The following SYNE2 variants were observed in gnomAD, a reference collection of about 807,000 sequenced individuals.
The protein encoded by SYNE2 is nesprin-2.
In SYNE2, 431 loss-of-function variants were observed where a neutral mutation model predicts 856.3. The observed-to-expected ratio is 0.50, with a 90% CI of 0.47 to 0.55. The LOEUF is 0.55. SYNE2 is among the 20% of genes least tolerant of loss of function. The pLI, the probability that SYNE2 is intolerant of heterozygous loss-of-function variation, is 0.00. For missense variants in SYNE2, 8,129 were observed against 8,023.2 expected (o/e 1.01, Z -0.50); for synonymous variants, 2,923 against 2,872.3 (o/e 1.02, Z -0.56).
chr14:63,784,498 AAAACAAAC>A (rs137985555), intron 1 of SYNE2, among the ~76,000 whole-genome samples: 79,156 of 149,608 alleles, frequency 0.53, 21,791 homozygotes, highest in South Asian at 0.65. Context: ...CTCCATCTCA[AAAACAAAC>A]AAACAAACAA....
intron 23 of SYNE2, among the ~76,000 whole-genome samples, chr14:63,995,731 A>ATCTATCTATCTG (rs2096708529): frequency 5.7e-4 from 1 of 1,758 alleles, no homozygotes; most frequent in African/African-American, 1.2e-3. Context: ...ATATCTATCC[A>ATCTATCTATCTG]TCTATCTATC....
rs752492583 is a variant in SYNE2, at chr14:64,049,632, G to A, written c.7399G>A (p.Ala2467Thr). The A allele has an allele frequency of 6.2e-6, 10 of 1,614,046 alleles. No individual in the cohort carries two copies. In the Admixed American group the frequency reaches 1.7e-4, roughly 27 times the overall value. The change falls in exon 47 of 116, where the codon GCA becomes ACA. Residue 2467 changes from alanine (A) to threonine (T), a missense_variant. By Grantham distance (58) the Ala-to-Thr change is moderately conservative. Coordinates refer to ENST00000555002, the MANE Select transcript of SYNE2 (RefSeq NM_182914.3). The stretch of plus-strand genomic sequence containing the variant: ...TTAGAAATTATATACCCAGTTGGAA[G>A]CAAAGAAAGCAGCCATTAAGCCACT... ...EIEKLYTQLE[A>T]KKAAIKPLEQ... is the part of the protein sequence containing the mutation.
At chr14:64,074,219 G>A (rs1256419911) in intron 53 of SYNE2, 83 bp downstream of exon 53, 4 of 1,435,760 alleles carry the variant, frequency 2.8e-6, no homozygotes, top group Non-Finnish European at 3.9e-6. Context: ...AGATAACTCA[G>A]TGGCTGGGTT....
At chr14:64,033,805 C>T (rs1477116806) in intron 45 of SYNE2, among the ~76,000 whole-genome samples, 2 of 152,134 alleles carry the variant, frequency 1.3e-5, no homozygotes, top group African/African-American at 2.4e-5. Flanking sequence ...TATGATACTT[C>T]ATTTAAATGT....
At chr14:63,874,415 C>G (rs1238596205) in intron 1 of SYNE2, among the ~76,000 whole-genome samples, 1 of 152,124 alleles carries the variant, frequency 6.6e-6, no homozygotes, top group African/African-American at 2.4e-5. Context: ...CTGCAGGCCT[C>G]TTTTGTTGTT....
chr14:64,122,056 C>T lies in SYNE2; in HGVS notation c.13203C>T (p.Phe4401=). The T allele has an allele frequency of 6.2e-7, 1 of 1,613,922 alleles. No individual in the cohort carries two copies. The highest frequency in any genetic ancestry group is 8.5e-7 in the Non-Finnish European group (1 of 1,180,002). ...KPMEQKDFIK[F]IEFNAKKMWP... ...TGGAACAGAAAGATTTCATCAAATT[C>T]ATAGAATTTAATGCTAAGAAAATGT... Residue 4401 remains phenylalanine, a synonymous_variant, in exon 69 of 116, where the codon TTC becomes TTT. Transcript: ENST00000555002.
chr14:64,185,274 T>A (rs533045901), intron 96 of SYNE2, among the ~76,000 whole-genome samples: 3 of 151,870 alleles, frequency 2.0e-5, no homozygotes, highest in Admixed American at 1.3e-4. Context: ...AAAAAAAAAA[T>A]AAAAATTAAA....
chr14:63,980,760 G>A (rs200614023), intron 15 of SYNE2, 28 bp downstream of exon 15: 2 of 1,436,462 alleles, frequency 1.4e-6, no homozygotes, highest in Admixed American at 1.7e-5. Context: ...CTTTCTGATG[G>A]AATGACTGTC....
At chr14:64,058,002 A>G (rs2097286916) in intron 49 of SYNE2, among the ~76,000 whole-genome samples, 1 of 152,186 alleles carries the variant, frequency 6.6e-6, no homozygotes, top group South Asian at 2.1e-4. Flanking sequence ...AGCTCCCTAT[A>G]CATTCTGGTT....
intron 1 of SYNE2, among the ~76,000 whole-genome samples, chr14:63,810,916 C>A (rs1340018208): frequency 2.6e-5 from 4 of 152,096 alleles, no homozygotes; most frequent in African/African-American, 9.7e-5. Flanking sequence ...CTCACTGCAA[C>A]CTCTGCCTCC....
At chr14:64,156,439 CTTTATTTTCTTT>C (rs752536717) in intron 85 of SYNE2, among the ~76,000 whole-genome samples, 1 of 150,976 alleles carries the variant, frequency 6.6e-6, no homozygotes, top group Non-Finnish European at 1.5e-5. Flanking sequence ...TGCCTTTCTT[CTTTATTTTCTTT>C]TTTCTTTCCT....
rs1469489912 is a variant in SYNE2 at position 63,980,971 on chromosome 14, T to A, written c.1649-15T>A. 6.6e-7 allele frequency: 1 copy of A among 1,512,496 alleles called. No homozygotes were observed. Among genetic ancestry groups the A allele is most frequent in the Non-Finnish European group, 9.1e-7 (1 of 1,101,860 alleles). 93.7% of individuals were successfully genotyped at this position (1,512,496 alleles called of 1,614,324 possible). A position where few individuals can be genotyped will look rare whatever the true frequency, so the allele number is the denominator to read the frequency against. ...TGTTTTCTAAGATTACTTTTTTGTT[T>A]TGTTAATATTGTAGCTGGAGAATGT... On this transcript the variant is annotated splice_polypyrimidine_tract_variant and intron_variant, in intron 15 of 115. Transcript: ENST00000555002.
intron 94 of SYNE2, among the ~76,000 whole-genome samples, chr14:64,171,285 T>C (rs1407763181): frequency 6.6e-6 from 1 of 152,250 alleles, no homozygotes; most frequent in Non-Finnish European, 1.5e-5. Context: ...TCACTCATTA[T>C]GCAATCATCG....
intron 38 of SYNE2, 178 bp from the exon 39 acceptor site, chr14:64,024,079 C>G: frequency 1.7e-6 from 1 of 593,654 alleles, no homozygotes; most frequent in Non-Finnish European, 3.0e-6. Context: ...CCCAAGAAGT[C>G]AGAACTATTA....
chr14:64,028,875 C>T (rs149318276), intron 43 of SYNE2, among the ~76,000 whole-genome samples: 25 of 152,274 alleles, frequency 1.6e-4, no homozygotes, highest in African/African-American at 5.8e-4. Flanking sequence ...GGTGGCTCAA[C>T]GCCTGTAATC....
chr14:64,029,336 G>A lies in SYNE2; in HGVS notation c.6715-559G>A, dbSNP rs114812562. Among the ~76,000 whole-genome samples, 323 of 152,312 alleles carry A rather than the reference G, an allele frequency of 2.1e-3. 3 individuals are homozygous for A. The highest frequency in any genetic ancestry group is 7.2e-3 in the African/African-American group (300 of 41,566). ...GTTCTTCTGTAAATTGTTTAATTTAGTAGTTGCTGCTTTTTGATCAGCTGT... is the reference window on the plus strand; with the variant it reads ...GTTCTTCTGTAAATTGTTTAATTTAATAGTTGCTGCTTTTTGATCAGCTGT... On this transcript the variant is annotated intron_variant, in intron 43 of 115. Transcript: ENST00000555002.
At chr14:63,932,002 A>T (rs1012059653) in intron 2 of SYNE2, among the ~76,000 whole-genome samples, 1 of 152,238 alleles carries the variant, frequency 6.6e-6, no homozygotes, top group African/African-American at 2.4e-5. Context: ...ATTACTTTGT[A>T]ATAGTAATAA....
At chr14:63,846,120 G>A (rs961059286) in intron 1 of SYNE2, among the ~76,000 whole-genome samples, 4 of 149,996 alleles carry the variant, frequency 2.7e-5, no homozygotes, top group African/African-American at 4.9e-5. Context: ...TGCTATTATG[G>A]CTCACCAGAG....
intron 2 of SYNE2, among the ~76,000 whole-genome samples, chr14:63,929,278 C>T (rs181986540): frequency 7.9e-5 from 12 of 152,010 alleles, no homozygotes; most frequent in African/African-American, 2.9e-4. Context: ...TGTGATGAAG[C>T]CTCCATAAAA....
Sources: gnomAD v4.1 joint callset for allele counts (sites outside exome capture counted in the v4.1 genomes callset) on GRCh38, gnomAD v4.1.1 for gene constraint, MANE v1.5 for transcripts, NCBI Gene and HGNC (gene_info 2026-07-23, HGNC 2026-07-21) for gene names.